The following GUCY1A2 variants were observed in gnomAD, a reference collection of about 807,000 sequenced individuals.
The protein encoded by GUCY1A2 is guanylate cyclase soluble subunit alpha-2.
GUCY1A2 carries 27 observed loss-of-function variants against 63.5 expected under a neutral mutation model. The observed-to-expected ratio is 0.43, with a 90% CI of 0.31 to 0.59. The LOEUF is 0.59. Among genes scored for constraint, GUCY1A2 ranks in the 20% least tolerant of loss-of-function variants. The pLI is 0.11. For missense variants in GUCY1A2, 768 were observed against 913.3 expected (o/e 0.84, Z 2.05); for synonymous variants, 364 against 343.5 (o/e 1.06, Z -0.66).
chr11:106,749,606 A>G (rs1280227019), intron 6 of GUCY1A2, among the ~76,000 whole-genome samples: 1 of 152,048 alleles, frequency 6.6e-6, no homozygotes, highest in African/African-American at 2.4e-5. Context: ...ATATAGAAGA[A>G]CCAGTGGATA....
intron 4 of GUCY1A2, among the ~76,000 whole-genome samples, chr11:106,822,354 ATT>A (rs2135431108): frequency 6.6e-6 from 1 of 152,020 alleles, no homozygotes; most frequent in Admixed American, 6.6e-5. Context: ...TTGTTTATTT[ATT>A]TTTCTTTTCT....
chr11:106,766,921 C>A (rs1187067789), intron 6 of GUCY1A2, among the ~76,000 whole-genome samples: 1 of 151,888 alleles, frequency 6.6e-6, no homozygotes, highest in East Asian at 1.9e-4. Flanking sequence ...ACTGTCTCTA[C>A]CAGGGAAAAA....
intron 5 of GUCY1A2, among the ~76,000 whole-genome samples, chr11:106,794,345 T>G (rs1864716206): frequency 6.6e-6 from 1 of 151,900 alleles, no homozygotes; most frequent in Admixed American, 6.6e-5. Context: ...GGGGTGAGGG[T>G]GGAAGAAATG....
At chr11:106,796,064 G>A (rs1369847043) in intron 5 of GUCY1A2, among the ~76,000 whole-genome samples, 1 of 152,088 alleles carries the variant, frequency 6.6e-6, no homozygotes, top group East Asian at 1.9e-4. Context: ...ATTACGTAAT[G>A]GCCTTCTTTG....
Position 106,684,443 on chromosome 11 carries a change from T to G in GUCY1A2, c.*3106A>C, listed in dbSNP as rs1469125225. The stretch of plus-strand genomic sequence containing the variant: ...TATGTTTCTGAAGCATATTATTATT[T>G]TTTATTATGGCCAATGTTACCTAAT... On this transcript the variant is annotated 3_prime_UTR_variant, in exon 8 of 8. Coordinates refer to ENST00000526355, the MANE Select transcript of GUCY1A2 (RefSeq NM_000855.3). 1 of 191,248 alleles carries G rather than the reference T, an allele frequency of 5.2e-6. No homozygotes were observed. Among genetic ancestry groups the G allele is most frequent in the Non-Finnish European group, 1.1e-5 (1 of 91,362 alleles). The allele number at this position is 191,248 out of a possible 1,614,324, so 11.8% of individuals were successfully genotyped here.
At chr11:106,801,100 C>A (rs1397661467) in intron 5 of GUCY1A2, among the ~76,000 whole-genome samples, 1 of 151,900 alleles carries the variant, frequency 6.6e-6, no homozygotes, top group African/African-American at 2.4e-5. Context: ...CCTCCGGGAG[C>A]CAAAGAGAAT....
At chr11:106,869,144 C>G (rs111372793) in intron 4 of GUCY1A2, among the ~76,000 whole-genome samples, 4,979 of 152,150 alleles carry the variant, frequency 0.033, 257 homozygotes, top group African/African-American at 0.11. Context: ...AGACCTAAAA[C>G]CATAAAAACC....
Position 106,674,421 on chromosome 11 carries a change from T to G in GUCY1A2, c.*13128A>C. On this transcript the variant is annotated 3_prime_UTR_variant, in exon 8 of 8. Transcript: ENST00000526355. ...AAATTCTAGTGAAATGAGGCATATT[T>G]TATCATTTCAATCAGAAAAAGTTTC... is the stretch of plus-strand genomic sequence containing the variant. The G allele has an allele frequency of 5.7e-6, 1 of 176,362 alleles. No homozygotes were observed. The highest frequency in any genetic ancestry group is 9.8e-5 in the East Asian group (1 of 10,252). 10.9% of individuals were successfully genotyped at this position (176,362 alleles called of 1,614,324 possible).
At chr11:106,781,180 G>A (rs1246125952) in intron 5 of GUCY1A2, among the ~76,000 whole-genome samples, 2 of 148,132 alleles carry the variant, frequency 1.4e-5, no homozygotes, top group East Asian at 3.9e-4. Context: ...CTTTATAATT[G>A]CCTCAGTGTT....
intron 3 of GUCY1A2, among the ~76,000 whole-genome samples, chr11:106,975,663 G>C (rs1271014649): frequency 6.6e-6 from 1 of 152,132 alleles, no homozygotes; most frequent in Non-Finnish European, 1.5e-5. Flanking sequence ...TAAATGATGA[G>C]ACAGAAAATA....
chr11:106,999,998 A>G (rs1258301841), intron 1 of GUCY1A2, among the ~76,000 whole-genome samples: 1 of 152,168 alleles, frequency 6.6e-6, no homozygotes, highest in Non-Finnish European at 1.5e-5. Context: ...TAAAGTGCCT[A>G]AGTCCTTAGA....
At chr11:106,704,293 G>A (rs1862868069) in intron 7 of GUCY1A2, among the ~76,000 whole-genome samples, 1 of 152,116 alleles carries the variant, frequency 6.6e-6, no homozygotes, top group Non-Finnish European at 1.5e-5. Flanking sequence ...CCAAGTATAA[G>A]GAGCTTTAAA....
At chr11:106,725,588 A>G (rs1412124155) in intron 6 of GUCY1A2, among the ~76,000 whole-genome samples, 1 of 152,186 alleles carries the variant, frequency 6.6e-6, no homozygotes, top group East Asian at 1.9e-4. Flanking sequence ...AATCACGTAA[A>G]GTTATTATCA....
chr11:106,709,084 A>G (rs1862974171), intron 6 of GUCY1A2, among the ~76,000 whole-genome samples: 1 of 139,390 alleles, frequency 7.2e-6, no homozygotes, highest in Non-Finnish European at 1.6e-5. Context: ...AAATATTTAT[A>G]TTTCTGTTTA....
chr11:106,745,555 A>G (rs991867096), intron 6 of GUCY1A2, among the ~76,000 whole-genome samples: 3 of 152,216 alleles, frequency 2.0e-5, no homozygotes, highest in African/African-American at 7.2e-5. Context: ...CTTTCTTGGC[A>G]TGGTGTAAAC....
At chr11:106,893,792 A>T (rs1026349452) in intron 4 of GUCY1A2, among the ~76,000 whole-genome samples, 2 of 152,094 alleles carry the variant, frequency 1.3e-5, no homozygotes, top group Non-Finnish European at 2.9e-5. Flanking sequence ...CAGTAGAGAA[A>T]CCTGAACAGC....
chr11:106,863,503 T>C (rs1395398166), intron 4 of GUCY1A2, among the ~76,000 whole-genome samples: 1 of 152,192 alleles, frequency 6.6e-6, no homozygotes, highest in Non-Finnish European at 1.5e-5. Flanking sequence ...TCTATATATC[T>C]GTTTTGGTAC....
intron 3 of GUCY1A2, among the ~76,000 whole-genome samples, chr11:106,964,902 C>T (rs992492115): frequency 6.6e-6 from 1 of 152,080 alleles, no homozygotes; most frequent in Admixed American, 6.6e-5. Context: ...ATGGCATGAA[C>T]CCGGGAGGCA....
chr11:106,959,563 T>C (rs1861033821), intron 3 of GUCY1A2, among the ~76,000 whole-genome samples: 1 of 152,250 alleles, frequency 6.6e-6, no homozygotes, highest in Non-Finnish European at 1.5e-5. Flanking sequence ...CTCTAGGCAT[T>C]GCCTTCAGCT....
Sources: allele counts gnomAD v4.1 joint callset (sites outside exome capture counted in the v4.1 genomes callset), GRCh38; gene constraint gnomAD v4.1.1; transcripts MANE v1.5; gene names NCBI Gene and HGNC (gene_info 2026-07-23, HGNC 2026-07-21).